Variants in PTPRD observed in about 807,000 individuals in gnomAD.
PTPRD encodes the protein protein tyrosine phosphatase receptor type D, also known as receptor-type tyrosine-protein phosphatase delta.
In PTPRD, 34 loss-of-function variants were observed where a neutral mutation model predicts 214.5. The ratio of observed to expected loss-of-function variants is 0.16; its 90% CI spans 0.12 to 0.21. The LOEUF (loss-of-function observed/expected upper bound fraction) is 0.21, where lower values mean the gene tolerates loss of function less well. PTPRD is among the 10% of genes least tolerant of loss of function. The pLI is 1.00. For missense variants in PTPRD, 2,545 were observed against 2,398.7 expected (o/e 1.06, Z -1.27); for synonymous variants, 1,128 against 845.7 (o/e 1.33, Z -5.79).
intron 3 of PTPRD, among the ~76,000 whole-genome samples, chr9:10,254,669 T>A (rs10756018): frequency 1.3e-5 from 2 of 151,982 alleles, no homozygotes; most frequent in African/African-American, 2.4e-5. Flanking sequence ...AAGGGGATCC[T>A]TTTGACTGCC....
intron 11 of PTPRD, among the ~76,000 whole-genome samples, chr9:8,932,075 A>G (rs561413019): frequency 3.4e-4 from 52 of 152,074 alleles, no homozygotes; most frequent in African/African-American, 1.2e-3. Flanking sequence ...TAGTCTGGCT[A>G]GTGGTCTATT....
chr9:8,845,934 C>T (rs2097686425), intron 11 of PTPRD, among the ~76,000 whole-genome samples: 1 of 152,196 alleles, frequency 6.6e-6, no homozygotes, highest in Non-Finnish European at 1.5e-5. Flanking sequence ...GTACATTTGG[C>T]AGCCTGGATG....
At chr9:10,120,763 G>A (rs1387562492) in intron 3 of PTPRD, among the ~76,000 whole-genome samples, 2 of 151,930 alleles carry the variant, frequency 1.3e-5, no homozygotes, top group Admixed American at 1.3e-4. Context: ...AGGAGCCAAC[G>A]ATAATCCCAT....
intron 21 of PTPRD, among the ~76,000 whole-genome samples, chr9:8,509,105 G>A (rs2097610962): frequency 6.6e-6 from 1 of 151,910 alleles, no homozygotes; most frequent in Non-Finnish European, 1.5e-5. Flanking sequence ...TTTTTCCCCA[G>A]TACCTGCCCA....
At chr9:10,316,349 G>A (rs2096432240) in intron 3 of PTPRD, among the ~76,000 whole-genome samples, 1 of 151,716 alleles carries the variant, frequency 6.6e-6, no homozygotes, top group Non-Finnish European at 1.5e-5. Context: ...CTTAGTTATA[G>A]TAACAGAAGA....
intron 14 of PTPRD, among the ~76,000 whole-genome samples, chr9:8,600,037 G>A (rs569157879): frequency 2.0e-5 from 3 of 152,264 alleles, no homozygotes; most frequent in East Asian, 1.9e-4. Flanking sequence ...AATTGCCCAC[G>A]CTGCCCCTCC....
intron 11 of PTPRD, among the ~76,000 whole-genome samples, chr9:8,795,433 G>C (rs2096384525): frequency 6.6e-6 from 1 of 152,050 alleles, no homozygotes; most frequent in African/African-American, 2.4e-5. Flanking sequence ...CTCCCAAAGT[G>C]GTGGGATTAC....
In PTPRD at chr9:9,982,475, G is replaced by GGTGT. The variant is rs201055413; in HGVS notation, c.-471-43869_-471-43866dup. On this transcript the variant is annotated intron_variant, in intron 4 of 45. Transcript: ENST00000381196. Reference sequence around the variant, plus strand: ...CATATATTGTTGTTGTGGTGGTGGTGGTGTGTGTGTGTGTGTGTGTGTGTG... The same window carrying GGTGT: ...CATATATTGTTGTTGTGGTGGTGGTGGTGTGTGTGTGTGTGTGTGTGTGTGTGTG... 1.6e-3 allele frequency among the ~76,000 whole-genome samples: 76 copies of GGTGT among 46,804 alleles called. 1 individual carries two copies. The highest frequency in any genetic ancestry group is 5.1e-3 in the Admixed American group (24 of 4,704). The allele number at this position is 46,804 out of a possible 152,430, so 30.7% of individuals were successfully genotyped here. A position where few individuals can be genotyped will look rare whatever the true frequency, so the allele number is the denominator to read the frequency against.
intron 5 of PTPRD, among the ~76,000 whole-genome samples, chr9:9,837,581 G>C (rs1475510564): frequency 1.3e-5 from 2 of 152,044 alleles, no homozygotes; most frequent in Non-Finnish European, 2.9e-5. Flanking sequence ...TTTGACTTTT[G>C]ATGGGGTAAA....
chr9:9,685,595 A>G (rs1210113315), intron 7 of PTPRD, among the ~76,000 whole-genome samples: 1 of 151,360 alleles, frequency 6.6e-6, no homozygotes, highest in East Asian at 1.9e-4. Flanking sequence ...AAATATTCAG[A>G]CACCCTCATT....
At chr9:9,778,625 G>C (rs902776414) in intron 5 of PTPRD, among the ~76,000 whole-genome samples, 24 of 152,040 alleles carry the variant, frequency 1.6e-4, no homozygotes, top group African/African-American at 5.6e-4. Context: ...CCTCCTAGGG[G>C]CCACGCATAG....
At chr9:10,335,045 A>G (rs1424953513) in intron 3 of PTPRD, among the ~76,000 whole-genome samples, 1 of 151,728 alleles carries the variant, frequency 6.6e-6, no homozygotes, top group African/African-American at 2.4e-5. Context: ...TGCAATCCCA[A>G]TCAAAACCCC....
intron 11 of PTPRD, among the ~76,000 whole-genome samples, chr9:8,846,984 T>G (rs1480550274): frequency 6.6e-6 from 1 of 152,136 alleles, no homozygotes; most frequent in Non-Finnish European, 1.5e-5. Context: ...ACAAGGAGAC[T>G]GCACCCCAAG....
chr9:10,225,299 AAAAC>A, intron 3 of PTPRD, among the ~76,000 whole-genome samples: 1 of 152,204 alleles, frequency 6.6e-6, no homozygotes, highest in Non-Finnish European at 1.5e-5. Flanking sequence ...TTCATAAAGC[AAAAC>A]AAACTACTTT....
chr9:8,795,165 G>GA (rs530902289), intron 11 of PTPRD, among the ~76,000 whole-genome samples: 3 of 150,356 alleles, frequency 2.0e-5, no homozygotes, highest in Admixed American at 1.3e-4. Context: ...TTTATATGAA[G>GA]AAAAAAAAAA....
intron 2 of PTPRD, among the ~76,000 whole-genome samples, chr9:10,450,077 T>A (rs909742680): frequency 4.0e-5 from 6 of 151,606 alleles, no homozygotes; most frequent in African/African-American, 1.5e-4. Context: ...CTCCGTAATC[T>A]CAAGTACCCA....
intron 5 of PTPRD, among the ~76,000 whole-genome samples, chr9:9,897,133 C>CTT (rs930772350): frequency 1.4e-4 from 3 of 21,086 alleles, no homozygotes; most frequent in African/African-American, 2.6e-4. Flanking sequence ...CTTACACTTA[C>CTT]ACACACACAC....
rs2098980527 is a variant in PTPRD, at chr9:8,934,482, TATATATATATAAATATATATATAAATA to T, written c.-104+84188_-104+84214del. 2.6e-4 allele frequency among the ~76,000 whole-genome samples: 2 copies of T among 7,654 alleles called. 1 individual carries two copies. The highest frequency in any genetic ancestry group is 5.7e-4 in the Non-Finnish European group (2 of 3,534). The allele number at this position is 7,654 out of a possible 152,430, so 5.0% of individuals were successfully genotyped here. On this transcript the variant is annotated intron_variant, in intron 11 of 45. Transcript: ENST00000381196. ...ATATATAAATATATATATATAAATA[TATATATATATAAATATATATATAAATA>T]TATATATATAAATATATATATATAT...
chr9:9,895,218 T>C (rs1033685850), intron 5 of PTPRD, among the ~76,000 whole-genome samples: 3 of 151,958 alleles, frequency 2.0e-5, no homozygotes, highest in African/African-American at 7.2e-5. Context: ...GAAATATACA[T>C]ACCAATAAAA....
Sources: allele counts gnomAD v4.1 joint callset (sites outside exome capture counted in the v4.1 genomes callset), GRCh38; gene constraint gnomAD v4.1.1; transcripts MANE v1.5; gene names NCBI Gene and HGNC (gene_info 2026-07-23, HGNC 2026-07-21).